The following LRRFIP2 variants were observed in gnomAD, a reference collection of about 807,000 sequenced individuals.
LRRFIP2 encodes LRR binding FLII interacting protein 2.
Under a neutral mutation model 125.9 loss-of-function variants are expected in LRRFIP2, and 109 were observed. That is an observed-to-expected ratio of 0.87 (90% CI 0.74 to 1.01). The LOEUF (loss-of-function observed/expected upper bound fraction) is 1.01. LRRFIP2 is among the 50% of genes least tolerant of loss of function. The pLI is 0.00. For missense variants in LRRFIP2, 850 were observed against 862.3 expected (o/e 0.99, Z 0.18); for synonymous variants, 291 against 293.1 (o/e 0.99, Z 0.07).
chr3:37,168,232 T>C (rs1043236201), intron 1 of LRRFIP2, among the ~76,000 whole-genome samples: 4 of 152,196 alleles, frequency 2.6e-5, no homozygotes, highest in Non-Finnish European at 5.9e-5. Context: ...GACATTTGCA[T>C]ACTCATATTC....
At chr3:37,108,151 AG>A (rs764127681) in intron 12 of LRRFIP2, 22 bp from the exon 13 acceptor site, 2 of 1,586,062 alleles carry the variant, frequency 1.3e-6, no homozygotes, top group Non-Finnish European at 1.7e-6. Flanking sequence ...CCAAGAAGAA[AG>A]GTTTTACAAC....
intron 25 of LRRFIP2, among the ~76,000 whole-genome samples, chr3:37,055,576 A>G (rs550685329): frequency 6.6e-6 from 1 of 152,308 alleles, no homozygotes; most frequent in African/African-American, 2.4e-5. Flanking sequence ...CTGCCAAAAA[A>G]AAATTACAAA....
chr3:37,102,666 T>G (rs1470555298), intron 15 of LRRFIP2, among the ~76,000 whole-genome samples: 1 of 151,472 alleles, frequency 6.6e-6, no homozygotes, highest in Admixed American at 6.6e-5. Flanking sequence ...ACCCAGCTAA[T>G]TTTTTTTGTA....
intron 1 of LRRFIP2, among the ~76,000 whole-genome samples, chr3:37,157,822 C>T (rs1258976327): frequency 6.6e-6 from 1 of 152,168 alleles, no homozygotes; most frequent in African/African-American, 2.4e-5. Context: ...GGTTAACTTA[C>T]AACTCATACT....
chr3:37,106,545 C>A (rs1455061824), intron 13 of LRRFIP2, among the ~76,000 whole-genome samples: 2 of 152,278 alleles, frequency 1.3e-5, no homozygotes, highest in East Asian at 3.9e-4. Flanking sequence ...CAGTAATACA[C>A]ACCTGCAGTC....
intron 15 of LRRFIP2, among the ~76,000 whole-genome samples, chr3:37,100,061 A>T (rs758604887): frequency 6.6e-6 from 1 of 152,190 alleles, no homozygotes; most frequent in East Asian, 1.9e-4. Flanking sequence ...GTTGGACTAC[A>T]GCATACCCTT....
intron 26 of LRRFIP2, 40 bp downstream of exon 26, chr3:37,055,034 TTAGATGCAGGAA>T: frequency 8.2e-7 from 1 of 1,222,344 alleles, no homozygotes; most frequent in East Asian, 2.4e-5. Flanking sequence ...TGTTAGCCAC[TTAGATGCAGGAA>T]GGACATTTAA....
At chr3:37,141,120 T>C (rs1311806660) in intron 2 of LRRFIP2, among the ~76,000 whole-genome samples, 2 of 152,230 alleles carry the variant, frequency 1.3e-5, no homozygotes, top group East Asian at 1.9e-4. Flanking sequence ...CACTGCACTA[T>C]AGCCTGGGCA....
chr3:37,090,246 T>TTTG (rs1216473867), intron 18 of LRRFIP2, among the ~76,000 whole-genome samples: 16 of 116,792 alleles, frequency 1.4e-4, no homozygotes, highest in Non-Finnish European at 4.1e-5. Flanking sequence ...TTGTTTGTTT[T>TTTG]GAGACAGAGT....
intron 2 of LRRFIP2, among the ~76,000 whole-genome samples, chr3:37,135,924 T>C (rs1326525837): frequency 6.6e-6 from 1 of 152,186 alleles, no homozygotes; most frequent in Non-Finnish European, 1.5e-5. Context: ...ATACCATCCA[T>C]CCACCTCTAA....
At position 37,112,898 on chromosome 3, in the gene LRRFIP2, G is replaced by A; in HGVS notation, c.438+17C>T. ...CAGTACTTCGTGAATTGTGATATGA[G>A]AGACAACAGAACTAACCAGTAGGTC... is the stretch of plus-strand genomic sequence containing the variant. On this transcript the variant is annotated intron_variant, in intron 8 of 27. Coordinates refer to ENST00000336686, the MANE Select transcript of LRRFIP2 (RefSeq NM_006309.4). The A allele has an allele frequency of 2.1e-6, 3 of 1,453,678 alleles. No homozygotes were observed. The highest frequency in any genetic ancestry group is 2.8e-6 in the Non-Finnish European group (3 of 1,056,558). 90.0% of individuals were successfully genotyped at this position (1,453,678 alleles called of 1,614,324 possible).
At chr3:37,106,477 G>T (rs958440288) in intron 13 of LRRFIP2, among the ~76,000 whole-genome samples, 1 of 152,042 alleles carries the variant, frequency 6.6e-6, no homozygotes, top group Admixed American at 6.6e-5. Flanking sequence ...AATGAAATAC[G>T]ATCTAGCCAG....
intron 18 of LRRFIP2, among the ~76,000 whole-genome samples, chr3:37,084,413 A>G (rs2149067786): frequency 6.6e-6 from 1 of 152,314 alleles, no homozygotes; most frequent in Non-Finnish European, 1.5e-5. Flanking sequence ...CTGTAATCCC[A>G]GCACTTTGGG....
chr3:37,098,582 G>A (rs1432916182), intron 15 of LRRFIP2, among the ~76,000 whole-genome samples: 1 of 151,524 alleles, frequency 6.6e-6, no homozygotes, highest in Non-Finnish European at 1.5e-5. Context: ...TAGAAGAGAT[G>A]GGGTTTCAAC....
chr3:37,123,522 A>G (rs1577007936), intron 4 of LRRFIP2, among the ~76,000 whole-genome samples: 1 of 152,160 alleles, frequency 6.6e-6, no homozygotes. Context: ...CAATAGACAC[A>G]TGTAGTCTGC....
chr3:37,063,683 A>G (rs2089394140), intron 24 of LRRFIP2, 59 bp downstream of exon 24: 1 of 1,210,504 alleles, frequency 8.3e-7, no homozygotes, highest in Non-Finnish European at 1.2e-6. Context: ...TCAATTAGCC[A>G]GTATTTTACC....
At chr3:37,136,956 T>TG (rs67327864) in intron 2 of LRRFIP2, among the ~76,000 whole-genome samples, 1 of 111,264 alleles carries the variant, frequency 9.0e-6, no homozygotes, top group African/African-American at 3.6e-5. Flanking sequence ...CTTTCTTTTT[T>TG]GGGGGGGGTG....
chr3:37,094,979 A>G (rs1360430719), intron 16 of LRRFIP2, 71 bp from the exon 17 acceptor site: 2 of 978,350 alleles, frequency 2.0e-6, no homozygotes, highest in East Asian at 2.4e-5. Context: ...AACTAAAAAC[A>G]GGGCAGGGTG....
chr3:37,140,707 T>C (rs6550457), intron 2 of LRRFIP2, among the ~76,000 whole-genome samples: 60,500 of 151,406 alleles, frequency 0.4, 12,698 homozygotes, highest in Non-Finnish European at 0.45. Context: ...TAATACAACC[T>C]TAATTTAATT....
Sources: gnomAD v4.1 joint callset for allele counts (sites outside exome capture counted in the v4.1 genomes callset) on GRCh38, gnomAD v4.1.1 for gene constraint, MANE v1.5 for transcripts, NCBI Gene and HGNC (gene_info 2026-07-23, HGNC 2026-07-21) for gene names.